The following CYP3A43 variants were observed in gnomAD, a reference collection of about 807,000 sequenced individuals.
The protein encoded by CYP3A43 is cytochrome P450 family 3 subfamily A member 43, also known as cytochrome P450 3A43.
A neutral mutation model predicts 58.0 loss-of-function variants in CYP3A43; 45 were observed. The observed-to-expected ratio is 0.78, with a 90% confidence interval of 0.61 to 0.99. CYP3A43 has a LOEUF of 0.99. Among genes scored for constraint, CYP3A43 ranks in the 50% least tolerant of loss-of-function variants. CYP3A43 has a pLI of 0.00. For missense variants in CYP3A43, 593 were observed against 591.9 expected (o/e 1.00, Z -0.02); for synonymous variants, 191 against 201.4 (o/e 0.95, Z 0.44).
chr7:99,859,116 A>G (rs938668618), intron 9 of CYP3A43, among the ~76,000 whole-genome samples: 4 of 152,120 alleles, frequency 2.6e-5, no homozygotes, highest in African/African-American at 9.7e-5. Context: ...TAGGAACTCT[A>G]TTACTTGATG....
chr7:99,847,592 A>T lies in CYP3A43; in HGVS notation c.423A>T (p.Lys141Asn). The T allele has an allele frequency of 1.2e-6, 2 of 1,613,878 alleles. No homozygotes were observed. Among genetic ancestry groups the T allele is most frequent in the Non-Finnish European group, 1.7e-6 (2 of 1,179,864 alleles). ...TATCTCCAGCTTTCACCAGTGTAAA[A>T]TTCAAGGAAGTAAGAAAATAAGGTG... ...TLLSPAFTSV[K>N]FKEMVPIISQ... The change falls in exon 5 of 13, where the codon AAA becomes AAT. Residue 141 changes from lysine to asparagine, a missense_variant. Physicochemically the swap from Lys to Asn is moderately conservative, Grantham distance 94 (BLOSUM62 0). Transcript: ENST00000354829.
At chr7:99,857,305 A>G (rs1818020192) in intron 9 of CYP3A43, among the ~76,000 whole-genome samples, 1 of 152,220 alleles carries the variant, frequency 6.6e-6, no homozygotes. Flanking sequence ...CACAAGGTTA[A>G]TCTACTGACG....
intron 3 of CYP3A43, among the ~76,000 whole-genome samples, chr7:99,840,811 AC>A (rs1452644128): frequency 6.6e-6 from 1 of 152,136 alleles, no homozygotes; most frequent in Non-Finnish European, 1.5e-5. Flanking sequence ...TTTTTGGTTA[AC>A]ACCTTGGTAA....
chr7:99,859,326 G>C (rs1818127245), intron 9 of CYP3A43, among the ~76,000 whole-genome samples: 1 of 152,070 alleles, frequency 6.6e-6, no homozygotes. Flanking sequence ...TCTTCCCTTG[G>C]GTTCCCGCAA....
intron 8 of CYP3A43, among the ~76,000 whole-genome samples, chr7:99,856,018 T>C (rs1489255025): frequency 6.6e-6 from 1 of 152,224 alleles, no homozygotes; most frequent in East Asian, 1.9e-4. Context: ...TAAATTTGAC[T>C]GTATAAAGTT....
intron 7 of CYP3A43, 59 bp from the exon 8 acceptor site, chr7:99,855,532 T>C: frequency 1.3e-6 from 2 of 1,545,266 alleles, no homozygotes; most frequent in Non-Finnish European, 1.7e-6. Flanking sequence ...TTGTTGTAGG[T>C]AAATTTCACA....
chr7:99,859,285 G>C (rs1818125604), intron 9 of CYP3A43, among the ~76,000 whole-genome samples: 1 of 152,116 alleles, frequency 6.6e-6, no homozygotes, highest in Non-Finnish European at 1.5e-5. Context: ...CTGGTCCATG[G>C]ACCACATTTT....
At chr7:99,846,042 GCTGGGACTACAGACATGAGCCACCACGC>G (rs1156907058) in intron 4 of CYP3A43, among the ~76,000 whole-genome samples, 3 of 152,132 alleles carry the variant, frequency 2.0e-5, no homozygotes, top group African/African-American at 4.8e-5. Context: ...CTCCCAAAGT[GCTGGGACTACAGACATGAGCCACCACGC>G]CTGGCCCCTT....
intron 6 of CYP3A43, among the ~76,000 whole-genome samples, chr7:99,849,064 A>T (rs888475731): frequency 1.1e-4 from 16 of 152,224 alleles, no homozygotes; most frequent in African/African-American, 3.9e-4. Context: ...CGGAGACATG[A>T]CGTTCACAGC....
At chr7:99,862,252 T>A (rs1166551710) in intron 11 of CYP3A43, among the ~76,000 whole-genome samples, 1 of 152,230 alleles carries the variant, frequency 6.6e-6, no homozygotes, top group Non-Finnish European at 1.5e-5. Context: ...ATTTCAGTTT[T>A]TCTTTGCTGT....
chr7:99,856,912 T>G lies in CYP3A43; in HGVS notation c.865+13T>G. On this transcript the variant is annotated intron_variant, in intron 9 of 12. Transcript: ENST00000354829. ...AAGTCCCATAAAGGTAACCAAGAAC[T>G]GCATCTGGGGGCTACTGATGGGGAC... 1 of 1,612,074 alleles carries G rather than the reference T, an allele frequency of 6.2e-7. No homozygotes were observed. Among genetic ancestry groups the G allele is most frequent in the South Asian group, 1.1e-5 (1 of 90,512 alleles).
intron 9 of CYP3A43, 104 bp downstream of exon 9, chr7:99,857,003 C>A: frequency 7.4e-7 from 1 of 1,344,670 alleles, no homozygotes; most frequent in Non-Finnish European, 1.0e-6. Context: ...GAATTTCTTC[C>A]ACATTGCAGA....
chr7:99,859,305 G>A (rs1273953340), intron 9 of CYP3A43, among the ~76,000 whole-genome samples: 2 of 152,186 alleles, frequency 1.3e-5, no homozygotes, highest in Non-Finnish European at 2.9e-5. Flanking sequence ...TGAGTGGCAA[G>A]AGCCCAATAT....
At chr7:99,837,213 G>C (rs1817124973) in intron 2 of CYP3A43, among the ~76,000 whole-genome samples, 1 of 150,758 alleles carries the variant, frequency 6.6e-6, no homozygotes, top group Non-Finnish European at 1.5e-5. Context: ...CAGCTACTCG[G>C]GAGGCTGAGG....
chr7:99,858,837 T>C (rs73401863), intron 9 of CYP3A43, among the ~76,000 whole-genome samples: 9,649 of 151,858 alleles, frequency 0.064, 961 homozygotes, highest in African/African-American at 0.21. Flanking sequence ...GGACTACAGG[T>C]GCCCACCACC....
Position 99,828,057 on chromosome 7 carries a change from A to T in CYP3A43, c.-59A>T. The T allele has an allele frequency of 6.9e-7, 1 of 1,452,208 alleles. No homozygotes were observed. The highest frequency in any genetic ancestry group is 9.6e-7 in the Non-Finnish European group (1 of 1,039,678). 90.0% of individuals were successfully genotyped at this position (1,452,208 alleles called of 1,614,324 possible). On this transcript the variant is annotated 5_prime_UTR_variant, in exon 1 of 13. The change creates a new upstream start codon in the 5' untranslated region. Transcript: ENST00000354829. Reference sequence around the variant, plus strand: ...AAGCTCTATATGCACAGCCCAGCAAAGAGCAGCACACAGCTGAAAGAAAAA... The same window carrying T: ...AAGCTCTATATGCACAGCCCAGCAATGAGCAGCACACAGCTGAAAGAAAAA...
At chr7:99,829,839 G>C (rs1816772298) in intron 1 of CYP3A43, among the ~76,000 whole-genome samples, 1 of 152,188 alleles carries the variant, frequency 6.6e-6, no homozygotes, top group Non-Finnish European at 1.5e-5. Flanking sequence ...GATTGACATT[G>C]CTAGGAATGT....
At chr7:99,860,952 C>T (rs1471971044) in intron 10 of CYP3A43, among the ~76,000 whole-genome samples, 3 of 152,182 alleles carry the variant, frequency 2.0e-5, no homozygotes, top group South Asian at 2.1e-4. Flanking sequence ...CGGCTCACTG[C>T]TACCTCCGCC....
In CYP3A43 at chr7:99,828,076, A is replaced by G. The variant is rs758125742; in HGVS notation, c.-40A>G. The G allele has an allele frequency of 6.3e-7, 1 of 1,586,666 alleles. No homozygotes were observed. The highest frequency in any genetic ancestry group is 1.7e-5 in the Admixed American group (1 of 59,568). On this transcript the variant is annotated 5_prime_UTR_variant, in exon 1 of 13. Coordinates refer to ENST00000354829, the MANE Select transcript of CYP3A43 (RefSeq NM_057095.3). ...CAGCAAAGAGCAGCACACAGCTGAAAGAAAAACTCAGAAGACAGAGCTGAA... is the reference window on the plus strand; with the variant it reads ...CAGCAAAGAGCAGCACACAGCTGAAGGAAAAACTCAGAAGACAGAGCTGAA...
Sources: allele counts gnomAD v4.1 joint callset (sites outside exome capture counted in the v4.1 genomes callset), GRCh38; gene constraint gnomAD v4.1.1; transcripts MANE v1.5; gene names NCBI Gene and HGNC (gene_info 2026-07-23, HGNC 2026-07-21).